Variants in C10orf67 observed in about 807,000 individuals in gnomAD.
C10orf67 encodes chromosome 10 open reading frame 67.
Under a neutral mutation model 35.6 loss-of-function variants are expected in C10orf67, and 60 were observed. That is an observed-to-expected ratio of 1.68 (90% CI 1.37 to 2.09). The LOEUF (loss-of-function observed/expected upper bound fraction) is 2.09. Among genes scored for constraint, C10orf67 ranks in the 30% most tolerant of loss-of-function variants. The probability of loss-of-function intolerance (pLI) is 0.00; values close to 1 mark genes in which losing one functional copy is unlikely to be tolerated. For synonymous variants in C10orf67, 167 were observed against 115.8 expected, an observed-to-expected ratio of 1.44 and a Z score of -2.84; for missense variants, 474 against 330.2, an observed-to-expected ratio of 1.44 and a Z score of -3.38.
intron 12 of C10orf67, among the ~76,000 whole-genome samples, chr10:23,247,677 A>T (rs1842352373): frequency 6.6e-6 from 1 of 152,226 alleles, no homozygotes; most frequent in African/African-American, 2.4e-5. Context: ...AACATAAAAG[A>T]CAACACAAAT....
At chr10:23,246,656 A>G (rs1423363208) in intron 12 of C10orf67, among the ~76,000 whole-genome samples, 1 of 152,308 alleles carries the variant, frequency 6.6e-6, no homozygotes, top group East Asian at 1.9e-4. Flanking sequence ...ATTATAATGG[A>G]GCTGAAAAGT....
chr10:23,250,901 C>T (rs569214018), intron 10 of C10orf67, among the ~76,000 whole-genome samples: 17 of 152,080 alleles, frequency 1.1e-4, no homozygotes, highest in African/African-American at 4.1e-4. Flanking sequence ...AGTTTGAGAC[C>T]GGTCTGGGCA....
chr10:23,296,361 C>T (rs1374615047), intron 5 of C10orf67, among the ~76,000 whole-genome samples: 1 of 152,138 alleles, frequency 6.6e-6, no homozygotes, highest in African/African-American at 2.4e-5. Context: ...ATTTCTTTAC[C>T]TCCTGTTTTT....
rs1457308734 is a variant in C10orf67, at chr10:23,215,912, TA to T, written c.1570+7685del. Among the ~76,000 whole-genome samples the T allele has an allele frequency of 1.1e-4, 17 of 152,320 alleles. No homozygotes were observed. In the East Asian group the frequency reaches 3.1e-3, roughly 28 times the overall value. ...ATAAAGCTTAGCCATCAATTTGTTA[TA>T]AAAACTTTCAGCGCCTGCTATAGAA... On this transcript the variant is annotated intron_variant, in intron 15 of 15. Transcript: ENST00000636213.
intron 7 of C10orf67, among the ~76,000 whole-genome samples, chr10:23,282,966 C>T (rs1020882564): frequency 2.0e-5 from 3 of 150,778 alleles, no homozygotes; most frequent in Non-Finnish European, 4.4e-5. Flanking sequence ...AAAAAAAAAA[C>T]GGCTAGGAAG....
intron 4 of C10orf67, among the ~76,000 whole-genome samples, chr10:23,312,434 A>G (rs908885994): frequency 2.6e-5 from 4 of 152,152 alleles, no homozygotes; most frequent in Non-Finnish European, 1.5e-5. Context: ...AGTTACGACA[A>G]ATATTGCAGG....
At chr10:23,330,072 A>AT (rs1405278733) in intron 2 of C10orf67, among the ~76,000 whole-genome samples, 1 of 152,150 alleles carries the variant, frequency 6.6e-6, no homozygotes, top group Admixed American at 6.6e-5. Context: ...GTCATACATG[A>AT]TTTTTTTAAA....
rs1217425259 is a variant in C10orf67, at chr10:23,250,450, C to A, written c.1346+5G>T. 1 of 398,302 alleles carries A rather than the reference C, an allele frequency of 2.5e-6. No homozygotes were observed. Among genetic ancestry groups the A allele is most frequent in the Non-Finnish European group, 4.4e-6 (1 of 225,796 alleles). 24.7% of individuals were successfully genotyped at this position (398,302 alleles called of 1,614,324 possible). On this transcript the variant is annotated splice_donor_5th_base_variant and intron_variant, in intron 12 of 15. Coordinates refer to ENST00000636213, the MANE Select transcript of C10orf67 (RefSeq NM_001371909.1). ...GAAATAGAATTTGTATATTTCACAC[C>A]ATACCTGTTCCTGAGAATAAAGAAT...
Position 23,331,786 on chromosome 10 carries a change from A to T in C10orf67, c.327+1276T>A, listed in dbSNP as rs543364459. 2.6e-5 allele frequency among the ~76,000 whole-genome samples: 4 copies of T among 152,148 alleles called. No homozygotes were observed. In the South Asian group the frequency reaches 8.3e-4, roughly 32 times the overall value. ...GAGAAGTAACAGAGGGCGCATGTGA[A>T]CCGTGTCTCAAAGAAGGTTCCTCAG... On this transcript the variant is annotated intron_variant, in intron 2 of 15. Transcript: ENST00000636213.
intron 9 of C10orf67, 27 bp downstream of exon 9, chr10:23,267,168 A>G (rs1240277779): frequency 1.4e-6 from 1 of 705,208 alleles, no homozygotes; most frequent in Admixed American, 2.1e-5. Context: ...AAAGAGAAAG[A>G]GAGAGAGAAA....
chr10:23,242,927 A>T (rs1185361475), intron 12 of C10orf67, among the ~76,000 whole-genome samples: 2 of 152,126 alleles, frequency 1.3e-5, no homozygotes, highest in Non-Finnish European at 2.9e-5. Flanking sequence ...AAAGTATGAC[A>T]ATTAAATAAA....
rs915908119 is a variant in C10orf67, at chr10:23,253,888, G to T, written c.1201-3197C>A. Among the ~76,000 whole-genome samples the T allele has an allele frequency of 3.3e-5, 5 of 151,944 alleles. No individual in the cohort carries two copies. The South Asian group carries it at 8.3e-4, about 25-fold the overall frequency. On this transcript the variant is annotated intron_variant, in intron 10 of 15. Transcript: ENST00000636213. ...TTTCATTAAAAAAAGAGAAAAAAAA[G>T]CATCACATGTAGACTAGAGTGTTTG...
At chr10:23,339,597 TCTC>T (rs1459135489) in intron 1 of C10orf67, among the ~76,000 whole-genome samples, 1 of 152,122 alleles carries the variant, frequency 6.6e-6, no homozygotes, top group Non-Finnish European at 1.5e-5. Context: ...CACCATGTCT[TCTC>T]CAAAGAGGTA....
chr10:23,210,220 G>T (rs1376430642), intron 15 of C10orf67, among the ~76,000 whole-genome samples: 2 of 152,182 alleles, frequency 1.3e-5, no homozygotes, highest in East Asian at 3.9e-4. Context: ...CCCTCAAGCA[G>T]GTTCACATCA....
intron 13 of C10orf67, among the ~76,000 whole-genome samples, chr10:23,233,365 T>A (rs562220057): frequency 1.3e-5 from 2 of 152,130 alleles, no homozygotes; most frequent in Non-Finnish European, 2.9e-5. Context: ...AAAATTAAAC[T>A]GGCCTTAGTC....
chr10:23,294,603 T>G (rs1368478644), intron 5 of C10orf67, among the ~76,000 whole-genome samples: 1 of 152,222 alleles, frequency 6.6e-6, no homozygotes, highest in Non-Finnish European at 1.5e-5. Flanking sequence ...ATTCAGGATG[T>G]TCCCATCTGG....
chr10:23,312,322 A>G (rs1844530081), intron 4 of C10orf67, among the ~76,000 whole-genome samples: 1 of 152,172 alleles, frequency 6.6e-6, no homozygotes, highest in East Asian at 1.9e-4. Context: ...ATTTTGATGC[A>G]TGGATTTTCC....
At chr10:23,263,217 G>C (rs1038209125) in intron 10 of C10orf67, among the ~76,000 whole-genome samples, 2 of 152,172 alleles carry the variant, frequency 1.3e-5, no homozygotes, top group Admixed American at 6.5e-5. Context: ...TAATGAAACA[G>C]TAAGCAGATT....
intron 2 of C10orf67, among the ~76,000 whole-genome samples, chr10:23,325,659 C>T (rs1845165285): frequency 7.0e-6 from 1 of 142,658 alleles, no homozygotes; most frequent in East Asian, 2.1e-4. Context: ...CAATATAATC[C>T]AAATTACTTG....
Sources: gnomAD v4.1 joint callset for allele counts (sites outside exome capture counted in the v4.1 genomes callset) on GRCh38, gnomAD v4.1.1 for gene constraint, MANE v1.5 for transcripts, NCBI Gene and HGNC (gene_info 2026-07-23, HGNC 2026-07-21) for gene names.